MAP2K5: variants seen among roughly 807,000 people sequenced by gnomAD.
MAP2K5 encodes mitogen-activated protein kinase kinase 5.
In MAP2K5, 49 loss-of-function variants were observed where a neutral mutation model predicts 83.1. That is an observed-to-expected ratio of 0.59 (90% confidence interval 0.47 to 0.75). The LOEUF (loss-of-function observed/expected upper bound fraction) is 0.75. MAP2K5 is among the 30% of genes least tolerant of loss of function. The probability of loss-of-function intolerance (pLI) is 0.00; values close to 1 mark genes in which losing one functional copy is unlikely to be tolerated. For missense variants in MAP2K5, 457 were observed against 557.5 expected (o/e 0.82, Z 1.82); for synonymous variants, 202 against 191.8 (o/e 1.05, Z -0.44).
intron 3 of MAP2K5, among the ~76,000 whole-genome samples, 189 bp from the exon 4 acceptor site, chr15:67,580,565 A>C (rs1012745109): frequency 1.2e-4 from 19 of 152,214 alleles, no homozygotes; most frequent in African/African-American, 4.1e-4. Flanking sequence ...GGTGAAGGCT[A>C]ACACACTGGA....
intron 11 of MAP2K5, among the ~76,000 whole-genome samples, chr15:67,648,825 C>T (rs569829824): frequency 3.9e-5 from 6 of 152,182 alleles, no homozygotes; most frequent in East Asian, 3.9e-4. Flanking sequence ...GTGATCTCCC[C>T]GCCTTGGCCT....
chr15:67,590,468 T>TCA (rs71142383), intron 6 of MAP2K5, among the ~76,000 whole-genome samples: 9 of 27,250 alleles, frequency 3.3e-4, no homozygotes, highest in South Asian at 2.9e-3. Flanking sequence ...TCTCTCTCTC[T>TCA]CTCTCTCTTT....
intron 13 of MAP2K5, among the ~76,000 whole-genome samples, chr15:67,666,308 TTTC>T: frequency 6.6e-6 from 1 of 152,332 alleles, no homozygotes; most frequent in African/African-American, 2.4e-5. Context: ...TATCTTGATT[TTTC>T]TTCTTTAAAA....
intron 6 of MAP2K5, among the ~76,000 whole-genome samples, chr15:67,591,967 C>T (rs2085421993): frequency 6.6e-6 from 1 of 151,890 alleles, no homozygotes; most frequent in East Asian, 2.0e-4. Flanking sequence ...CAAAATTAGC[C>T]AGGCATGGTG....
At chr15:67,670,743 CT>C (rs2087510860) in intron 13 of MAP2K5, among the ~76,000 whole-genome samples, 2 of 151,798 alleles carry the variant, frequency 1.3e-5, no homozygotes, top group African/African-American at 4.8e-5. Flanking sequence ...AAAACCAACC[CT>C]TGTGATTTAA....
rs1023516130 is a variant in MAP2K5, at chr15:67,749,001, C to T, written c.1134+400C>T. Among the ~76,000 whole-genome samples, 5 of 152,180 alleles carry T rather than the reference C, an allele frequency of 3.3e-5. No homozygotes were observed. The highest frequency in any genetic ancestry group is 7.3e-5 in the Non-Finnish European group (5 of 68,032). On this transcript the variant is annotated intron_variant, in intron 19 of 21. Transcript: ENST00000178640. The surrounding 1 kb of genome is among the most constrained non-coding windows in gnomAD (Gnocchi z 4.6). ...GCAAGCATAAGCTGGATGAAATTTG[C>T]CTGCCTTGAGTTATTTACCCAAAGC... is the stretch of plus-strand genomic sequence containing the variant.
chr15:67,721,407 T>C (rs1448538287), intron 16 of MAP2K5, among the ~76,000 whole-genome samples: 1 of 152,198 alleles, frequency 6.6e-6, no homozygotes, highest in African/African-American at 2.4e-5. Flanking sequence ...GGCGCACTCC[T>C]GATGGGACCC....
chr15:67,763,221 G>C (rs2089982295), intron 19 of MAP2K5, among the ~76,000 whole-genome samples: 1 of 152,056 alleles, frequency 6.6e-6, no homozygotes, highest in South Asian at 2.1e-4. Flanking sequence ...AAGTAGGTCA[G>C]TTCTATCTGC....
At chr15:67,681,579 C>T (rs1048200338) in intron 13 of MAP2K5, among the ~76,000 whole-genome samples, 1 of 152,152 alleles carries the variant, frequency 6.6e-6, no homozygotes, top group African/African-American at 2.4e-5. Flanking sequence ...TTACATTGTG[C>T]CTTTATCTTA....
In MAP2K5 at chr15:67,721,344, G is replaced by A. The variant is rs1035218243; in HGVS notation, c.1045-6572G>A. On this transcript the variant is annotated intron_variant, in intron 16 of 21. Transcript: ENST00000178640. ...TAAGTTTATATCAGTGGACTTTGGT[G>A]AGGACAAGTAGTTGTTGTTTTTTGT... Among the ~76,000 whole-genome samples, 11 of 152,286 alleles carry A rather than the reference G, an allele frequency of 7.2e-5. No homozygotes were observed. In the South Asian group the frequency reaches 1.9e-3, roughly 26 times the overall value.
At chr15:67,664,491 A>C in intron 12 of MAP2K5, 106 bp from the exon 13 acceptor site, 1 of 668,198 alleles carries the variant, frequency 1.5e-6, no homozygotes, top group Admixed American at 2.5e-5. Context: ...TGACAGGGTG[A>C]CACCCTGTCT....
In MAP2K5 at chr15:67,781,251, T is replaced by C. The variant is rs1478549198; in HGVS notation, c.1242+8499T>C. Among the ~76,000 whole-genome samples, 4 of 152,252 alleles carry C rather than the reference T, an allele frequency of 2.6e-5. No individual in the cohort carries two copies. Among genetic ancestry groups the C allele is most frequent in the African/African-American group, 9.6e-5 (4 of 41,466 alleles). ...CACCGATAAATAGATGCAGTTCTTATCAATTATTAACCAGTCTAACCAGGA... is the reference window on the plus strand; with the variant it reads ...CACCGATAAATAGATGCAGTTCTTACCAATTATTAACCAGTCTAACCAGGA... On this transcript the variant is annotated intron_variant, in intron 21 of 21. Coordinates refer to ENST00000178640, the MANE Select transcript of MAP2K5 (RefSeq NM_145160.3). The surrounding 1 kb of genome is among the most constrained non-coding windows in gnomAD (Gnocchi z 4.0).
chr15:67,721,136 G>GT (rs2088951392), intron 16 of MAP2K5, among the ~76,000 whole-genome samples: 1 of 151,528 alleles, frequency 6.6e-6, no homozygotes, highest in Non-Finnish European at 1.5e-5. Flanking sequence ...ACATTTGTTC[G>GT]TTTTTTGTTT....
At chr15:67,744,356 C>T (rs2089558382) in intron 17 of MAP2K5, among the ~76,000 whole-genome samples, 5 of 152,212 alleles carry the variant, frequency 3.3e-5, no homozygotes, top group South Asian at 4.1e-4. Flanking sequence ...AAAATTCCAA[C>T]CATATGATTT....
chr15:67,806,804 C>T lies in MAP2K5; in HGVS notation c.*54C>T. The T allele has an allele frequency of 1.3e-6, 2 of 1,597,388 alleles. No individual in the cohort carries two copies. The highest frequency in any genetic ancestry group is 8.5e-7 in the Non-Finnish European group (1 of 1,178,720). On this transcript the variant is annotated 3_prime_UTR_variant, in exon 22 of 22. Transcript: ENST00000178640. ...ACCAGTAACCAAGGAGAACAACCCA[C>T]CCGTCGCCCTTCTCCGTATGCTGCC...
At chr15:67,766,962 C>T (rs1395249871) in intron 19 of MAP2K5, among the ~76,000 whole-genome samples, 2 of 152,126 alleles carry the variant, frequency 1.3e-5, no homozygotes, top group Non-Finnish European at 2.9e-5. Flanking sequence ...AAATAAATAT[C>T]TGGCATTGTG....
intron 8 of MAP2K5, among the ~76,000 whole-genome samples, chr15:67,623,722 T>G (rs566634256): frequency 6.6e-6 from 1 of 151,860 alleles, no homozygotes; most frequent in South Asian, 2.1e-4. Flanking sequence ...CTCAGCCTCC[T>G]GAGTAGCTGG....
At chr15:67,651,667 T>C (rs1442477645) in intron 11 of MAP2K5, among the ~76,000 whole-genome samples, 1 of 152,254 alleles carries the variant, frequency 6.6e-6, no homozygotes, top group African/African-American at 2.4e-5. Flanking sequence ...TATCCACCCA[T>C]ATTCTTGCAA....
chr15:67,591,850 G>A (rs866169040), intron 6 of MAP2K5, among the ~76,000 whole-genome samples: 6 of 151,280 alleles, frequency 4.0e-5, no homozygotes, highest in African/African-American at 1.5e-4. Flanking sequence ...GGTGGCTCCC[G>A]CCTGTAATCC....
Sources: allele counts gnomAD v4.1 joint callset (sites outside exome capture counted in the v4.1 genomes callset), GRCh38; gene constraint gnomAD v4.1.1; non-coding constraint Gnocchi (gnomAD v3.1); transcripts MANE v1.5; gene names NCBI Gene and HGNC (gene_info 2026-07-23, HGNC 2026-07-21).